The following ANO9 variants were observed in gnomAD, a reference collection of about 807,000 sequenced individuals.
ANO9 encodes the protein anoctamin-9.
A neutral mutation model predicts 100.5 loss-of-function variants in ANO9; 80 were observed. The ratio of observed to expected loss-of-function variants is 0.80; its 90% CI spans 0.66 to 0.96. The LOEUF is 0.96. ANO9 is among the 40% of genes least tolerant of loss of function. ANO9 has a pLI of 0.00. For missense variants in ANO9, 1,064 were observed against 1,072.7 expected, an observed-to-expected ratio of 0.99 and a Z score of 0.11; for synonymous variants, 473 against 435.6, an observed-to-expected ratio of 1.09 and a Z score of -1.07.
chr11:428,740 G>T lies in ANO9; in HGVS notation c.1002C>A (p.Leu334=), dbSNP rs569050945. The change falls in exon 12 of 23, where the codon CTC becomes CTA. Residue 334 remains leucine, a synonymous_variant. Coordinates refer to ENST00000332826, the MANE Select transcript of ANO9 (RefSeq NM_001012302.3). ...QHSYLRSTVI[L]VLTLLMICLM... is the part of the protein sequence containing the mutation. ...TGCGTACCATGAGCAGGGTCAGGACGAGGATGACGGTGCTGCGTAGGTAGG... is the reference window on the plus strand; with the variant it reads ...TGCGTACCATGAGCAGGGTCAGGACTAGGATGACGGTGCTGCGTAGGTAGG... The T allele has an allele frequency of 7.4e-6, 12 of 1,613,332 alleles. 1 individual carries two copies. In the South Asian group the frequency reaches 1.2e-4, roughly 16 times the overall value.
At chr11:425,062 T>G (rs867679012) in intron 15 of ANO9, among the ~76,000 whole-genome samples, 1 of 46,320 alleles carries the variant, frequency 2.2e-5, no homozygotes, top group African/African-American at 1.0e-4. Flanking sequence ...AAAGGCGGCG[T>G]GGAGAGACGG....
At position 428,754 on chromosome 11, in the gene ANO9, T is replaced by G; in HGVS notation, c.988A>C (p.Ser330Arg). ...LRPYQHSYLR[S>R]TVILVLTLLM... ...AGGGTCAGGACGAGGATGACGGTGC[T>G]GCGTAGGTAGGAGTGCTGGTATGGC... is the stretch of plus-strand genomic sequence containing the variant. Residue 330 changes from serine (S) to arginine (R), a missense_variant, in exon 12 of 23, where the codon AGC becomes CGC. By Grantham distance (110) the Ser-to-Arg change is moderately radical. Coordinates refer to ENST00000332826, the MANE Select transcript of ANO9 (RefSeq NM_001012302.3). 1 of 1,613,324 alleles carries G rather than the reference T, an allele frequency of 6.2e-7. No individual in the cohort carries two copies. Among genetic ancestry groups the G allele is most frequent in the Non-Finnish European group, 8.5e-7 (1 of 1,179,924 alleles).
intron 1 of ANO9, among the ~76,000 whole-genome samples, chr11:435,633 G>GGTCTA (rs1169874685): frequency 2.6e-4 from 25 of 94,768 alleles, no homozygotes; most frequent in Non-Finnish European, 5.1e-4. Flanking sequence ...AGTCTAGTAT[G>GGTCTA]GTCTAGTCTA....
chr11:419,157 G>A (rs1187335161), intron 20 of ANO9, 168 bp from the exon 21 acceptor site: 47 of 1,442,746 alleles, frequency 3.3e-5, no homozygotes, highest in East Asian at 1.2e-4. Context: ...CTTCACATCC[G>A]GGGGCCTTGT....
At chr11:423,732 C>T (rs940599946) in intron 15 of ANO9, among the ~76,000 whole-genome samples, 1 of 152,116 alleles carries the variant, frequency 6.6e-6, no homozygotes, top group Non-Finnish European at 1.5e-5. Flanking sequence ...GGTCTCACTA[C>T]ATTGCCCAGG....
chr11:434,386 G>A (rs777393855), intron 1 of ANO9, among the ~76,000 whole-genome samples: 1 of 152,342 alleles, frequency 6.6e-6, no homozygotes, highest in Non-Finnish European at 1.5e-5. Flanking sequence ...AGAGGAGCAC[G>A]CTGAGCAGCC....
At chr11:427,736 A>G (rs1365316082) in intron 15 of ANO9, among the ~76,000 whole-genome samples, 1 of 151,744 alleles carries the variant, frequency 6.6e-6, no homozygotes, top group Non-Finnish European at 1.5e-5. Flanking sequence ...TCATATATAC[A>G]TGTATACGAG....
chr11:419,224 TG>T (rs1848028796), intron 20 of ANO9: 1 of 1,426,256 alleles, frequency 7.0e-7, no homozygotes, highest in East Asian at 2.5e-5. Context: ...AGACTGGCCC[TG>T]GGGACCCAGT....
In ANO9 at chr11:434,037, A is replaced by G. The variant is rs143515712; in HGVS notation, c.68T>C (p.Ile23Thr). 108 of 1,550,904 alleles carry G rather than the reference A, an allele frequency of 7.0e-5. No individual in the cohort carries two copies. The highest frequency in any genetic ancestry group is 9.2e-5 in the Non-Finnish European group (105 of 1,147,360). The change falls in exon 2 of 23, where the codon ATC becomes ACC. Residue 23 changes from isoleucine to threonine, a missense_variant. By Grantham distance (89) the Ile-to-Thr change is moderately conservative. Coordinates refer to ENST00000332826, the MANE Select transcript of ANO9 (RefSeq NM_001012302.3). ...CCGGACACCCACCTCACAGGTGCTG[A>G]TCTCCATCAGCGGGAAGCTGTCCCC... ...PEGDSFPLME[I>T]STCETEASEQ...
At position 428,595 on chromosome 11, in the gene ANO9, G is replaced by A. The variant is rs775839257; in HGVS notation, c.1065C>T (p.Arg355=). 51 of 1,612,376 alleles carry A rather than the reference G, an allele frequency of 3.2e-5. No individual in the cohort carries two copies. The Middle Eastern group carries it at 8.2e-4, about 26-fold the overall frequency. The stretch of plus-strand genomic sequence containing the variant: ...TGCTGAAGAGCGCGGAGGCCAGGAC[G>A]CGGTAGACCACCAGGACGTGGGCCA... ...IGMAHVLVVY[R]VLASALFSSS... Residue 355 remains arginine (R), a synonymous_variant, in exon 13 of 23, where the codon CGC becomes CGT. Coordinates refer to ENST00000332826, the MANE Select transcript of ANO9 (RefSeq NM_001012302.3).
intron 1 of ANO9, 65 bp from the exon 2 acceptor site, chr11:434,163 G>A: frequency 6.6e-7 from 1 of 1,521,772 alleles, no homozygotes; most frequent in South Asian, 1.2e-5. Flanking sequence ...CCCCTCATTG[G>A]CGGGTCCCTG....
Position 434,114 on chromosome 11 carries a change from C to T in ANO9, c.7-16G>A. On this transcript the variant is annotated splice_polypyrimidine_tract_variant and intron_variant, in intron 1 of 22. Transcript: ENST00000332826. ...TCTCTTCGCCCTGGGGGTTTGGGGG[C>T]AGAGAAAGGGATAGGAGGATGTGAT... 6.5e-7 allele frequency: 1 copy of T among 1,549,696 alleles called. No individual in the cohort carries two copies. Among genetic ancestry groups the T allele is most frequent in the Non-Finnish European group, 8.7e-7 (1 of 1,146,854 alleles).
chr11:433,664 A>C, intron 3 of ANO9, 151 bp downstream of exon 3: 1 of 1,424,020 alleles, frequency 7.0e-7, no homozygotes, highest in Non-Finnish European at 9.3e-7. Context: ...CCAGCCCAGG[A>C]GAGAGCCTCC....
At position 430,301 on chromosome 11, in the gene ANO9, G is replaced by C; in HGVS notation, c.642C>G (p.Ser214Arg). 6.3e-7 allele frequency: 1 copy of C among 1,599,934 alleles called. No individual in the cohort carries two copies. The highest frequency in any genetic ancestry group is 1.1e-5 in the South Asian group (1 of 88,644). ...AALTGLLVFL[S>R]GFSLFEASQI... ...GGCTGGCCTCAAACAGCGAGAATCC[G>C]CTCAGAAAGACTAAGAGGCCCGTCA... Residue 214 changes from serine (S) to arginine (R), a missense_variant, in exon 8 of 23, where the codon AGC (serine) becomes AGG (arginine). Physicochemically the swap from Ser to Arg is moderately radical, Grantham distance 110. Transcript: ENST00000332826.
chr11:429,840 C>T (rs549655667), intron 9 of ANO9, 22 bp from the exon 10 acceptor site: 39 of 1,515,852 alleles, frequency 2.6e-5, no homozygotes, highest in Admixed American at 2.0e-4. Flanking sequence ...ATAGGTGGGC[C>T]GGAGAGGAGG....
rs1847957919 is a variant in ANO9, at chr11:418,203, G to A, written c.*168C>T. On this transcript the variant is annotated 3_prime_UTR_variant, in exon 23 of 23. Coordinates refer to ENST00000332826, the MANE Select transcript of ANO9 (RefSeq NM_001012302.3). ...GAGAGCCCCCACAAAGACGGAGCAG[G>A]CGGAATAGGGTGGCAGCTCACAGCC... 2 of 691,728 alleles carry A rather than the reference G, an allele frequency of 2.9e-6. No individual in the cohort carries two copies. Among genetic ancestry groups the A allele is most frequent in the African/African-American group, 3.6e-5 (2 of 55,568 alleles). 42.8% of individuals were successfully genotyped at this position (691,728 alleles called of 1,614,324 possible). A position where few individuals can be genotyped will look rare whatever the true frequency, so the allele number is the denominator to read the frequency against.
intron 9 of ANO9, 45 bp downstream of exon 9, chr11:430,038 T>C (rs985372793): frequency 1.3e-6 from 2 of 1,532,670 alleles, no homozygotes; most frequent in Non-Finnish European, 1.8e-6. Context: ...GGATGCACCG[T>C]TCCCATCTTC....
chr11:433,808 C>T lies in ANO9; in HGVS notation c.204+7G>A, dbSNP rs775274907. 1.5e-5 allele frequency: 24 copies of T among 1,556,944 alleles called. No individual in the cohort carries two copies. Among genetic ancestry groups the T allele is most frequent in the Middle Eastern group, 1.7e-4 (1 of 6,012 alleles). ...ATGGCCCTGCCCCTCGCTGGGCACC[C>T]GCCCACCTTAATGTGGAAGCCCTTT... is the stretch of plus-strand genomic sequence containing the variant. On this transcript the variant is annotated splice_region_variant and intron_variant, in intron 3 of 22. Coordinates refer to ENST00000332826, the MANE Select transcript of ANO9 (RefSeq NM_001012302.3).
In ANO9 at chr11:420,485, C is replaced by T; in HGVS notation, c.1764G>A (p.Val588=). 7 of 1,603,582 alleles carry T rather than the reference C, an allele frequency of 4.4e-6. No individual in the cohort carries two copies. The highest frequency in any genetic ancestry group is 5.9e-6 in the Non-Finnish European group (7 of 1,179,500). ...GACCGATGTCCTTGGCCTTGCGCGG[C>T]ACCAGGCGCCGCTGCAACCAGACCA... ...IKMVWLQRRL[V]PRKAKDIGTW... The change falls in exon 19 of 23, where the codon GTG becomes GTA. Residue 588 remains valine, a synonymous_variant. Coordinates refer to ENST00000332826, the MANE Select transcript of ANO9 (RefSeq NM_001012302.3).
Sources: allele counts gnomAD v4.1 joint callset (sites outside exome capture counted in the v4.1 genomes callset), GRCh38; gene constraint gnomAD v4.1.1; transcripts MANE v1.5; gene names NCBI Gene and HGNC (gene_info 2026-07-23, HGNC 2026-07-21).